Variants in FBXO47 observed in about 807,000 individuals in gnomAD.
The protein encoded by FBXO47 is F-box only protein 47.
In FBXO47, 34 loss-of-function variants were observed where a neutral mutation model predicts 53.9. The ratio of observed to expected loss-of-function variants is 0.63; its 90% CI spans 0.48 to 0.84. FBXO47 has a LOEUF of 0.84. FBXO47 is among the 40% of genes least tolerant of loss of function. FBXO47 has a pLI of 0.00. For missense variants in FBXO47, 485 were observed against 541.3 expected (o/e 0.90, Z 1.03); for synonymous variants, 165 against 181.6 (o/e 0.91, Z 0.73).
At chr17:38,944,796 G>A (rs560550162) in intron 7 of FBXO47, among the ~76,000 whole-genome samples, 164 bp downstream of exon 7, 9 of 151,510 alleles carry the variant, frequency 5.9e-5, no homozygotes, top group Non-Finnish European at 1.0e-4. Flanking sequence ...GCTTGAACCC[G>A]GGAGGTGGAG....
chr17:38,943,616 A>G lies in FBXO47; in HGVS notation c.914T>C (p.Val305Ala). The change falls in exon 8 of 11, where the codon GTT becomes GCT. Residue 305 changes from valine (V) to alanine (A), a missense_variant. Transcript: ENST00000378079. ...TGATAGTTCATCTACAAGACTGATAACATCATCTGCTGTCCACTCTTTAGT... is the reference window on the plus strand; with the variant it reads ...TGATAGTTCATCTACAAGACTGATAGCATCATCTGCTGTCCACTCTTTAGT... ...ASTKEWTADD[V>A]ISLVDELSVV... The G allele has an allele frequency of 6.3e-7, 1 of 1,596,268 alleles. No individual in the cohort carries two copies. Among genetic ancestry groups the G allele is most frequent in the South Asian group, 1.1e-5 (1 of 87,626 alleles).
chr17:38,953,929 G>A (rs1472813457), intron 5 of FBXO47, among the ~76,000 whole-genome samples: 1 of 152,166 alleles, frequency 6.6e-6, no homozygotes, highest in Non-Finnish European at 1.5e-5. Context: ...TTGGTGGCTG[G>A]TAGGCTGAGC....
intron 4 of FBXO47, among the ~76,000 whole-genome samples, chr17:38,956,282 TGC>T (rs1192827374): frequency 6.6e-6 from 1 of 152,036 alleles, no homozygotes; most frequent in Non-Finnish European, 1.5e-5. Flanking sequence ...CAGAACTCAA[TGC>T]AAATGCTGAC....
At chr17:38,949,357 T>A (rs771181955) in intron 6 of FBXO47, among the ~76,000 whole-genome samples, 5 of 151,862 alleles carry the variant, frequency 3.3e-5, no homozygotes, top group African/African-American at 1.2e-4. Flanking sequence ...GAAGTGGAGG[T>A]TGCAGTGAGC....
intron 6 of FBXO47, among the ~76,000 whole-genome samples, chr17:38,945,852 C>T (rs1034280757): frequency 6.7e-5 from 10 of 148,454 alleles, no homozygotes; most frequent in African/African-American, 1.0e-4. Context: ...AGGAGAATGG[C>T]GTTAACCCGG....
intron 6 of FBXO47, among the ~76,000 whole-genome samples, chr17:38,950,212 T>G (rs1296363903): frequency 6.6e-6 from 1 of 151,900 alleles, no homozygotes; most frequent in African/African-American, 2.4e-5. Flanking sequence ...ACCTCAAATC[T>G]ACTTTCTGTC....
intron 3 of FBXO47, among the ~76,000 whole-genome samples, chr17:38,960,041 A>C (rs1022324990): frequency 6.6e-6 from 1 of 151,992 alleles, no homozygotes; most frequent in Admixed American, 6.6e-5. Context: ...TCCTGGGCTC[A>C]AGCGATCCTC....
In FBXO47 at chr17:38,942,932, G is replaced by A. The variant is rs116999024; in HGVS notation, c.941-12C>T. 6,909 of 1,594,482 alleles carry A rather than the reference G, an allele frequency of 4.3e-3. 251 individuals are homozygous for A. In the East Asian group the frequency reaches 0.087, roughly 20 times the overall value. ...CTCACGGGGAACCACTTTTATTAGA[G>A]GAAGAACAATTATTTAATGAGAAAT... is the stretch of plus-strand genomic sequence containing the variant. On this transcript the variant is annotated splice_polypyrimidine_tract_variant and intron_variant, in intron 8 of 10. Coordinates refer to ENST00000378079, the MANE Select transcript of FBXO47 (RefSeq NM_001008777.3).
chr17:38,957,199 T>C lies in FBXO47; in HGVS notation c.407A>G (p.Tyr136Cys). The change falls in exon 4 of 11, where the codon TAC (tyrosine) becomes TGC (cysteine). Residue 136 changes from tyrosine (Y) to cysteine (C), a missense_variant. By Grantham distance (194) the Tyr-to-Cys change is radical. Transcript: ENST00000378079. ...TACTTCTGTGAGTATCTTGTGAATG[T>C]ATTTTAGCCTTTCCTTGGTGGGTAG... ...LLLPTKERLK[Y>C]IHKILTEVSC... The C allele has an allele frequency of 1.2e-6, 2 of 1,609,236 alleles. No individual in the cohort carries two copies. The highest frequency in any genetic ancestry group is 1.7e-6 in the Non-Finnish European group (2 of 1,176,060).
intron 3 of FBXO47, among the ~76,000 whole-genome samples, chr17:38,959,656 GTA>G (rs1034481164): frequency 1.0e-4 from 15 of 146,792 alleles, no homozygotes; most frequent in African/African-American, 3.8e-4. Context: ...GTGTGTGTGT[GTA>G]TGAATATGAG....
In FBXO47 at chr17:38,956,574, G is replaced by A. The variant is rs540656270; in HGVS notation, c.429+603C>T. Among the ~76,000 whole-genome samples, 101 of 149,276 alleles carry A rather than the reference G, an allele frequency of 6.8e-4. 1 individual carries two copies. The highest frequency in any genetic ancestry group is 2.4e-3 in the African/African-American group (98 of 40,266). On this transcript the variant is annotated intron_variant, in intron 4 of 10. Coordinates refer to ENST00000378079, the MANE Select transcript of FBXO47 (RefSeq NM_001008777.3). ...CTGCACTCCAGCCTGGGTGACAAGAGCGAGACTCTGTCTCAACAAAAAAAA... is the reference window on the plus strand; with the variant it reads ...CTGCACTCCAGCCTGGGTGACAAGAACGAGACTCTGTCTCAACAAAAAAAA...
chr17:38,951,890 T>G (rs1905311091), intron 5 of FBXO47, among the ~76,000 whole-genome samples: 1 of 151,960 alleles, frequency 6.6e-6, no homozygotes, highest in Non-Finnish European at 1.5e-5. Context: ...ATTAGCCAGG[T>G]GTGGTGGCGG....
chr17:38,953,244 G>A (rs1296933079), intron 5 of FBXO47, among the ~76,000 whole-genome samples: 9 of 151,720 alleles, frequency 5.9e-5, no homozygotes, highest in African/African-American at 1.5e-4. Flanking sequence ...ACTTGAACCC[G>A]GGAGGCCGAG....
chr17:38,941,181 T>A (rs1355507784), intron 9 of FBXO47, among the ~76,000 whole-genome samples: 1 of 151,520 alleles, frequency 6.6e-6, no homozygotes, highest in African/African-American at 2.4e-5. Context: ...TTTATTTATT[T>A]ATTTTTTTGA....
chr17:38,966,622 C>CA (rs1906145130), intron 1 of FBXO47, among the ~76,000 whole-genome samples: 1 of 152,186 alleles, frequency 6.6e-6, no homozygotes, highest in Non-Finnish European at 1.5e-5. Flanking sequence ...CAAAGACTGT[C>CA]AGTCACCAGG....
At chr17:38,964,269 G>A (rs1214933456) in intron 1 of FBXO47, among the ~76,000 whole-genome samples, 3 of 151,992 alleles carry the variant, frequency 2.0e-5, no homozygotes, top group African/African-American at 7.3e-5. Context: ...AGACCAGCCT[G>A]ACCAACATGG....
chr17:38,938,154 T>C (rs1817710651), intron 10 of FBXO47, among the ~76,000 whole-genome samples: 1 of 152,188 alleles, frequency 6.6e-6, no homozygotes, highest in African/African-American at 2.4e-5. Flanking sequence ...AGCCTTAGTT[T>C]TCTCATCTGT....
intron 4 of FBXO47, among the ~76,000 whole-genome samples, chr17:38,956,465 G>A (rs1006789180): frequency 6.6e-6 from 1 of 151,838 alleles, no homozygotes; most frequent in African/African-American, 2.4e-5. Context: ...GTGGGTGCCT[G>A]TAATCCCAGC....
At chr17:38,954,695 T>C (rs1321363464) in intron 5 of FBXO47, among the ~76,000 whole-genome samples, 161 bp downstream of exon 5, 1 of 152,208 alleles carries the variant, frequency 6.6e-6, no homozygotes, top group Non-Finnish European at 1.5e-5. Context: ...AAATCTGAGA[T>C]AGCAAACACT....
Sources: gnomAD v4.1 joint callset for allele counts (sites outside exome capture counted in the v4.1 genomes callset) on GRCh38, gnomAD v4.1.1 for gene constraint, MANE v1.5 for transcripts, NCBI Gene and HGNC (gene_info 2026-07-23, HGNC 2026-07-21) for gene names.